Variants in AR observed in about 807,000 individuals in gnomAD.
AR encodes the protein dihydrotestosterone receptor.
Under a neutral mutation model 53.9 loss-of-function variants are expected in AR, and 8 were observed. The observed-to-expected ratio is 0.15, with a 90% CI of 0.09 to 0.27. AR has a LOEUF of 0.27. Ranked by LOEUF, AR falls within the 10% of genes least tolerant of loss-of-function variation. The pLI is 1.00. For missense variants in AR, 639 were observed against 742.5 expected (o/e 0.86, Z 1.62); for synonymous variants, 359 against 316.4 (o/e 1.13, Z -1.43).
At chrX:67,658,737 T>TA (rs1926709984) in intron 2 of AR, among the ~76,000 whole-genome samples, 2 of 111,991 alleles carry the variant, frequency 1.8e-5, no homozygotes, top group Non-Finnish European at 3.8e-5. Flanking sequence ...AGTCACCTTC[T>TA]TTGGACATTA....
chrX:67,672,703 G>A (rs1027758881), intron 2 of AR, among the ~76,000 whole-genome samples: 2 of 110,989 alleles, frequency 1.8e-5, no homozygotes, highest in Non-Finnish European at 3.8e-5. Context: ...TTATTGTACT[G>A]TTTATGTCTT....
intron 2 of AR, among the ~76,000 whole-genome samples, chrX:67,644,981 G>A (rs1602222064): frequency 9.1e-6 from 1 of 110,493 alleles, no homozygotes; most frequent in East Asian, 2.9e-4. Context: ...GGGTTCCAGA[G>A]ACTTCAGACC....
intron 3 of AR, among the ~76,000 whole-genome samples, chrX:67,709,814 A>T (rs1439089498): frequency 8.9e-6 from 1 of 112,243 alleles, no homozygotes; most frequent in African/African-American, 3.2e-5. Context: ...AACTATGTGT[A>T]TTCAATGGGA....
chrX:67,679,507 T>A (rs998130521), intron 2 of AR, among the ~76,000 whole-genome samples: 2 of 111,632 alleles, frequency 1.8e-5, no homozygotes, highest in African/African-American at 6.5e-5. Context: ...TTACAACACA[T>A]CCCTAGAAGT....
intron 2 of AR, among the ~76,000 whole-genome samples, chrX:67,666,990 A>G (rs1477288602): frequency 9.0e-6 from 1 of 110,946 alleles, no homozygotes; most frequent in Non-Finnish European, 1.9e-5. Flanking sequence ...TAGTTTGCAA[A>G]TAGTTGCTCT....
chrX:67,658,407 T>A (rs765401387), intron 2 of AR, among the ~76,000 whole-genome samples: 1 of 112,400 alleles, frequency 8.9e-6, no homozygotes, highest in East Asian at 2.8e-4. Flanking sequence ...TAACTTGTAA[T>A]TGTGTTTGGC....
intron 2 of AR, among the ~76,000 whole-genome samples, chrX:67,660,525 T>C (rs1180358178): frequency 2.7e-5 from 3 of 111,545 alleles, no homozygotes; most frequent in South Asian, 3.8e-4. Context: ...GATGGTTGTA[T>C]ATATGCGGCA....
rs542628585 is a variant in AR at position 67,561,581 on chromosome X, C to A, written c.1616+14819C>A. ...CATTTTATATGTTTTAGTTAAGGAA[C>A]ATGAATATTTTTGGATTTTGGTATT... On this transcript the variant is annotated intron_variant, in intron 1 of 7. Transcript: ENST00000374690. Among the ~76,000 whole-genome samples the A allele has an allele frequency of 8.0e-5, 9 of 111,858 alleles. No individual in the cohort carries two copies. The South Asian group carries it at 3.4e-3, about 42-fold the overall frequency.
intron 1 of AR, among the ~76,000 whole-genome samples, chrX:67,626,352 A>T (rs1467503031): frequency 9.3e-6 from 1 of 108,037 alleles, no homozygotes; most frequent in Non-Finnish European, 1.9e-5. Flanking sequence ...GAACATGTAA[A>T]GTTTGTCTTT....
In AR at chrX:67,725,494, C is replaced by G. The variant is rs922089046; in HGVS notation, c.*1653C>G. 1.1e-5 allele frequency: 2 copies of G among 174,137 alleles called. No individual in the cohort carries two copies. Among genetic ancestry groups the G allele is most frequent in the African/African-American group, 5.9e-5 (2 of 33,832 alleles). 14.4% of individuals were successfully genotyped at this position (174,137 alleles called of 1,213,427 possible). Reference sequence around the variant, plus strand: ...GTGGGAAGAATGAAGGCACTAGAACCAGAAACCCTGCAAATGCTCTTCTTG... The same window carrying G: ...GTGGGAAGAATGAAGGCACTAGAACGAGAAACCCTGCAAATGCTCTTCTTG... On this transcript the variant is annotated 3_prime_UTR_variant, in exon 8 of 8. Transcript: ENST00000374690.
intron 1 of AR, among the ~76,000 whole-genome samples, chrX:67,633,280 C>G (rs1477552180): frequency 1.8e-5 from 2 of 111,714 alleles, no homozygotes; most frequent in South Asian, 3.8e-4. Flanking sequence ...TATCCTCACC[C>G]TCCTCCTACC....
At chrX:67,673,701 CTTTAATTTCCTTGAA>C (rs1261098360) in intron 2 of AR, among the ~76,000 whole-genome samples, 1 of 110,115 alleles carries the variant, frequency 9.1e-6, no homozygotes, top group Non-Finnish European at 1.9e-5. Flanking sequence ...TTAGTGTTAT[CTTTAATTTCCTTGAA>C]TTTCCTCAAC....
intron 1 of AR, among the ~76,000 whole-genome samples, chrX:67,601,476 A>G (rs895466790): frequency 9.9e-5 from 11 of 111,629 alleles, no homozygotes; most frequent in African/African-American, 3.3e-4. Context: ...TCATAGTCCA[A>G]CCTGTCTTCT....
intron 3 of AR, among the ~76,000 whole-genome samples, chrX:67,692,891 C>T (rs934207689): frequency 4.5e-5 from 5 of 111,849 alleles, no homozygotes; most frequent in African/African-American, 1.6e-4. Flanking sequence ...TTGAAATTTC[C>T]ACTCCATGAC....
intron 2 of AR, among the ~76,000 whole-genome samples, chrX:67,680,294 A>C (rs1367466766): frequency 1.8e-5 from 2 of 111,901 alleles, no homozygotes; most frequent in Non-Finnish European, 3.8e-5. Context: ...AGATACTTTA[A>C]ATGTACAGCA....
At chrX:67,695,255 C>T in intron 3 of AR, 1 of 754,326 alleles carries the variant, frequency 1.3e-6, no homozygotes, top group Non-Finnish European at 1.6e-6. Flanking sequence ...TTCTAGCCTT[C>T]TGGATCCCAG....
intron 1 of AR, among the ~76,000 whole-genome samples, chrX:67,626,830 T>G (rs1453806814): frequency 3.5e-5 from 3 of 85,249 alleles, no homozygotes; most frequent in African/African-American, 1.3e-4. Flanking sequence ...CCTTCCTCTG[T>G]CCATGTGTTC....
chrX:67,625,475 G>A (rs890620797), intron 1 of AR, among the ~76,000 whole-genome samples: 3 of 110,787 alleles, frequency 2.7e-5, no homozygotes, highest in Non-Finnish European at 5.7e-5. Flanking sequence ...AAACAAAGTC[G>A]GCGTACCCAT....
intron 3 of AR, among the ~76,000 whole-genome samples, chrX:67,687,294 A>C (rs952667667): frequency 3.6e-5 from 4 of 111,768 alleles, no homozygotes; most frequent in African/African-American, 1.3e-4. Context: ...GTGGATCTTC[A>C]TATAGATAAC....
Sources: gnomAD v4.1 joint callset for allele counts (sites outside exome capture counted in the v4.1 genomes callset) on GRCh38, gnomAD v4.1.1 for gene constraint, MANE v1.5 for transcripts, NCBI Gene and HGNC (gene_info 2026-07-23, HGNC 2026-07-21) for gene names.